OOSP3: variants seen among roughly 807,000 people sequenced by gnomAD.
OOSP3 encodes oocyte secreted protein family member 3, also known as oocyte-secreted protein 3.
intron 2 of OOSP3, among the ~76,000 whole-genome samples, chr11:59,889,990 T>A (rs1454694161): frequency 6.6e-6 from 1 of 152,208 alleles, no homozygotes; most frequent in African/African-American, 2.4e-5. Context: ...ATATTTAGGA[T>A]AGTTAGCTTT....
intron 4 of OOSP3, among the ~76,000 whole-genome samples, chr11:59,895,891 TA>T (rs1369600152): frequency 3.3e-5 from 5 of 152,290 alleles, no homozygotes; most frequent in Admixed American, 2.0e-4. Context: ...TTATGACAAA[TA>T]AAAGAAAATC....
chr11:59,880,166 TAC>T, intron 1 of OOSP3, 93 bp from the exon 2 acceptor site: 1 of 396,898 alleles, frequency 2.5e-6, no homozygotes, highest in South Asian at 1.4e-4. Flanking sequence ...GTGGTGTATA[TAC>T]ATATGTTTAA....
chr11:59,890,795 T>C (rs1853304659), intron 2 of OOSP3, among the ~76,000 whole-genome samples: 1 of 152,196 alleles, frequency 6.6e-6, no homozygotes, highest in African/African-American at 2.4e-5. Context: ...ATTGGGGTTC[T>C]CTGGATTTCC....
intron 2 of OOSP3, among the ~76,000 whole-genome samples, chr11:59,893,195 A>G (rs558279025): frequency 1.3e-5 from 2 of 152,308 alleles, no homozygotes; most frequent in Admixed American, 6.5e-5. Flanking sequence ...TTTTGGAAAC[A>G]TTTTATTTCT....
chr11:59,887,821 T>C (rs1274552971), intron 2 of OOSP3, among the ~76,000 whole-genome samples: 1 of 152,168 alleles, frequency 6.6e-6, no homozygotes, highest in Non-Finnish European at 1.5e-5. Flanking sequence ...TAGTTTTTTT[T>C]TCTAATTCTG....
intron 2 of OOSP3, among the ~76,000 whole-genome samples, chr11:59,884,012 A>G (rs1240499988): frequency 6.6e-6 from 1 of 152,248 alleles, no homozygotes; most frequent in Non-Finnish European, 1.5e-5. Context: ...ACCAAGGTTA[A>G]GGATTCTGGA....
intron 2 of OOSP3, among the ~76,000 whole-genome samples, chr11:59,881,797 G>A (rs1853204182): frequency 6.6e-6 from 1 of 151,954 alleles, no homozygotes; most frequent in Non-Finnish European, 1.5e-5. Flanking sequence ...CTTGAACCTG[G>A]GAGGCAGAGG....
chr11:59,884,489 C>G (rs1028745495), intron 2 of OOSP3, among the ~76,000 whole-genome samples: 2,327 of 141,974 alleles, frequency 0.016, 24 homozygotes, highest in Non-Finnish European at 0.019. Context: ...CTCTCTCTCT[C>G]TCTCTCTCTC....
chr11:59,881,408 A>G (rs992126000), intron 2 of OOSP3, among the ~76,000 whole-genome samples: 2 of 152,040 alleles, frequency 1.3e-5, no homozygotes, highest in East Asian at 1.9e-4. Flanking sequence ...TGAATGCTCA[A>G]TAGAAGTTAA....
chr11:59,882,758 A>G (rs1225173685), intron 2 of OOSP3, among the ~76,000 whole-genome samples: 1 of 152,146 alleles, frequency 6.6e-6, no homozygotes, highest in Non-Finnish European at 1.5e-5. Context: ...TCACTTCTCA[A>G]AAATGCACCC....
chr11:59,880,914 T>C (rs1853194567), intron 2 of OOSP3, among the ~76,000 whole-genome samples: 1 of 152,110 alleles, frequency 6.6e-6, no homozygotes, highest in East Asian at 1.9e-4. Flanking sequence ...CTAGGGGAAG[T>C]CAGAGGAAAA....
In OOSP3 at chr11:59,896,130, T is replaced by C; in HGVS notation, c.502-3T>C. 1 of 398,466 alleles carries C rather than the reference T, an allele frequency of 2.5e-6. No individual in the cohort carries two copies. Among genetic ancestry groups the C allele is most frequent in the East Asian group, 3.6e-5 (1 of 28,058 alleles). The allele number at this position is 398,466 out of a possible 1,614,324, so 24.7% of individuals were successfully genotyped here. ...ATTAACTACCTTTCTTTTTTCTCTG[T>C]AGGTAGAGGCATCTCATCAGTCACT... On this transcript the variant is annotated splice_polypyrimidine_tract_variant and splice_region_variant and intron_variant, in intron 4 of 4. Coordinates refer to ENST00000646438, the Ensembl canonical transcript of OOSP3.
intron 3 of OOSP3, 39 bp from the exon 4 acceptor site, chr11:59,895,463 A>C (rs900901410): frequency 4.3e-5 from 17 of 398,008 alleles, no homozygotes; most frequent in Non-Finnish European, 6.6e-5. Context: ...TTTTAAATGT[A>C]ATCTGATGTG....
chr11:59,896,321 G>A (rs914702211), exon 5 of OOSP3: 2 of 395,446 alleles, frequency 5.1e-6, no homozygotes, highest in Non-Finnish European at 8.9e-6. Flanking sequence ...TTCCTGAGAG[G>A]ACATTGGGTT....
chr11:59,892,476 G>C (rs1242511514), intron 2 of OOSP3, among the ~76,000 whole-genome samples: 1 of 152,060 alleles, frequency 6.6e-6, no homozygotes, highest in African/African-American at 2.4e-5. Context: ...CCATCTAGGC[G>C]TCTCCTCTGC....
At position 59,892,055 on chromosome 11, in the gene OOSP3, G is replaced by A. The variant is rs189689279; in HGVS notation, c.253-2024G>A. On this transcript the variant is annotated intron_variant, in intron 2 of 4. Transcript: ENST00000646438. The stretch of plus-strand genomic sequence containing the variant: ...CACTGGAGTTCCAGGAGCTGCTGGA[G>A]TATGCAAAAACTCCTGCAGCTCAGT... Among the ~76,000 whole-genome samples the A allele has an allele frequency of 1.4e-3, 206 of 152,332 alleles. 3 individuals are homozygous for A. The highest frequency in any genetic ancestry group is 4.8e-3 in the African/African-American group (200 of 41,580).
Position 59,880,475 on chromosome 11 carries a change from C to G in OOSP3, c.252+36C>G, listed in dbSNP as rs576359431. 1.3e-5 allele frequency: 5 copies of G among 398,312 alleles called. No homozygotes were observed. In the South Asian group the frequency reaches 6.4e-4, roughly 51 times the overall value. The allele number at this position is 398,312 out of a possible 1,614,324, so 24.7% of individuals were successfully genotyped here. A position where few individuals can be genotyped will look rare whatever the true frequency, so the allele number is the denominator to read the frequency against. On this transcript the variant is annotated intron_variant, in intron 2 of 4. Transcript: ENST00000646438. ...CAAGCAGTTCAAATAATAAACTAAC[C>G]CCTAGGTTGTACCTTGCAGTAGTAC...
chr11:59,895,873 T>C (rs1046831544), intron 4 of OOSP3, among the ~76,000 whole-genome samples: 4 of 152,232 alleles, frequency 2.6e-5, no homozygotes, highest in Non-Finnish European at 4.4e-5. Flanking sequence ...AGTCTCCCTT[T>C]ACCCTAGTTA....
At chr11:59,879,813 T>G (rs893270928) in intron 1 of OOSP3, among the ~76,000 whole-genome samples, 3 of 152,152 alleles carry the variant, frequency 2.0e-5, no homozygotes, top group Admixed American at 1.3e-4. Context: ...TTCCCTTGTC[T>G]CTTCACCCAC....
Sources: gnomAD v4.1 joint callset for allele counts (sites outside exome capture counted in the v4.1 genomes callset) on GRCh38, gnomAD v4.1.1 for gene constraint, MANE v1.5 for transcripts, NCBI Gene and HGNC (gene_info 2026-07-23, HGNC 2026-07-21) for gene names.